ARHGAP10: variants seen among roughly 807,000 people sequenced by gnomAD.
ARHGAP10 encodes the protein rho GTPase-activating protein 10.
ARHGAP10 carries 87 observed loss-of-function variants against 108.6 expected under a neutral mutation model. The observed-to-expected ratio is 0.80, with a 90% CI of 0.67 to 0.96. The LOEUF is 0.96. Ranked by LOEUF, ARHGAP10 falls within the 40% of genes least tolerant of loss-of-function variation. The pLI is 0.00. For missense variants in ARHGAP10, 939 were observed against 954.5 expected (o/e 0.98, Z 0.21); for synonymous variants, 347 against 341.1 (o/e 1.02, Z -0.19).
At chr4:147,766,815 TATATATATATATATATATATA>T (rs1729842753) in intron 1 of ARHGAP10, among the ~76,000 whole-genome samples, 2 of 9,380 alleles carry the variant, frequency 2.1e-4, no homozygotes, top group East Asian at 0.031. Context: ...TATATATATA[TATATATATATATATATATATA>T]TATTTATTTA....
intron 4 of ARHGAP10, among the ~76,000 whole-genome samples, chr4:147,854,482 T>C (rs1433460091): frequency 1.3e-5 from 2 of 152,234 alleles, no homozygotes; most frequent in Non-Finnish European, 2.9e-5. Flanking sequence ...CCAGACTCAT[T>C]TCAGTTTTTG....
chr4:147,774,549 A>G (rs531321757), intron 1 of ARHGAP10, among the ~76,000 whole-genome samples: 3 of 152,340 alleles, frequency 2.0e-5, no homozygotes, highest in African/African-American at 2.4e-5. Context: ...TCTTTATTCT[A>G]TAACATATTT....
chr4:147,908,844 C>G (rs768894645), intron 11 of ARHGAP10, among the ~76,000 whole-genome samples: 2 of 152,192 alleles, frequency 1.3e-5, no homozygotes, highest in Non-Finnish European at 2.9e-5. Context: ...CCCCCTTTAT[C>G]TTATTTTTGC....
intron 18 of ARHGAP10, among the ~76,000 whole-genome samples, chr4:147,978,078 T>C (rs1739666676): frequency 6.6e-6 from 1 of 152,218 alleles, no homozygotes; most frequent in African/African-American, 2.4e-5. Flanking sequence ...ATGGGCACTC[T>C]ATTGATTCCA....
intron 1 of ARHGAP10, among the ~76,000 whole-genome samples, chr4:147,736,973 A>G (rs922310661): frequency 6.6e-6 from 1 of 152,062 alleles, no homozygotes; most frequent in Non-Finnish European, 1.5e-5. Flanking sequence ...GCTACCCACT[A>G]TCTTGGGCCT....
intron 1 of ARHGAP10, among the ~76,000 whole-genome samples, chr4:147,750,597 A>G (rs940025228): frequency 1.3e-5 from 2 of 151,598 alleles, no homozygotes; most frequent in African/African-American, 4.9e-5. Context: ...TACATATAAA[A>G]TATCTTTTTT....
At chr4:147,912,548 A>AATATATAT (rs59663731) in intron 12 of ARHGAP10, among the ~76,000 whole-genome samples, 15 of 120,316 alleles carry the variant, frequency 1.2e-4, no homozygotes, top group African/African-American at 2.6e-4. Flanking sequence ...CAAACAAACA[A>AATATATAT]ATATATATAT....
intron 18 of ARHGAP10, among the ~76,000 whole-genome samples, chr4:148,015,430 G>A (rs909403277): frequency 6.6e-6 from 1 of 152,142 alleles, no homozygotes; most frequent in Non-Finnish European, 1.5e-5. Flanking sequence ...TGGCCTAAGG[G>A]ATAACTAGGA....
intron 1 of ARHGAP10, among the ~76,000 whole-genome samples, chr4:147,812,414 T>C (rs1245856507): frequency 1.3e-5 from 2 of 152,098 alleles, no homozygotes; most frequent in Non-Finnish European, 2.9e-5. Flanking sequence ...TGAGGAATAC[T>C]TCACAGACCT....
chr4:147,970,551 T>C (rs1276990678), intron 18 of ARHGAP10, among the ~76,000 whole-genome samples: 1 of 151,928 alleles, frequency 6.6e-6, no homozygotes, highest in East Asian at 1.9e-4. Flanking sequence ...TTTTCCTCAG[T>C]TATTTGTTTT....
intron 1 of ARHGAP10, among the ~76,000 whole-genome samples, chr4:147,749,890 A>G (rs1057042084): frequency 9.2e-5 from 14 of 152,216 alleles, no homozygotes; most frequent in African/African-American, 3.1e-4. Flanking sequence ...TGGCTATGCA[A>G]ATTAACCTGT....
At chr4:148,002,893 GTTTT>G (rs1032723964) in intron 18 of ARHGAP10, among the ~76,000 whole-genome samples, 1 of 151,988 alleles carries the variant, frequency 6.6e-6, no homozygotes, top group Admixed American at 6.6e-5. Context: ...TTTTTGAAGG[GTTTT>G]TTGTGTCTCT....
intron 12 of ARHGAP10, among the ~76,000 whole-genome samples, chr4:147,912,805 C>A (rs929199676): frequency 6.6e-6 from 1 of 151,254 alleles, no homozygotes; most frequent in East Asian, 2.0e-4. Context: ...ATCATTAAAC[C>A]TGGCTAATTT....
chr4:147,739,423 A>C (rs1431306018), intron 1 of ARHGAP10, among the ~76,000 whole-genome samples: 1 of 152,204 alleles, frequency 6.6e-6, no homozygotes, highest in African/African-American at 2.4e-5. Flanking sequence ...GTTCATCTCA[A>C]GGTATTGACA....
intron 1 of ARHGAP10, among the ~76,000 whole-genome samples, chr4:147,735,592 G>A (rs527841006): frequency 6.6e-6 from 1 of 152,304 alleles, no homozygotes; most frequent in Admixed American, 6.5e-5. Context: ...TAGGAATGTG[G>A]ACTTTATCTT....
At chr4:148,024,086 C>A (rs187246313) in intron 19 of ARHGAP10, among the ~76,000 whole-genome samples, 2 of 152,314 alleles carry the variant, frequency 1.3e-5, no homozygotes, top group East Asian at 3.9e-4. Context: ...AACACTGATC[C>A]ATACAAAACA....
At chr4:147,824,547 A>G (rs955684512) in intron 3 of ARHGAP10, among the ~76,000 whole-genome samples, 26 of 152,172 alleles carry the variant, frequency 1.7e-4, no homozygotes, top group African/African-American at 6.0e-4. Flanking sequence ...AAGAGGTTTA[A>G]TTGACTCACA....
intron 18 of ARHGAP10, among the ~76,000 whole-genome samples, chr4:148,000,760 TTTGTGATGGGG>T (rs1211609237): frequency 2.0e-5 from 3 of 152,236 alleles, no homozygotes; most frequent in Non-Finnish European, 2.9e-5. Context: ...CTTCGCCCGC[TTTGTGATGGGG>T]TTGTTTGTTT....
intron 18 of ARHGAP10, among the ~76,000 whole-genome samples, chr4:148,012,966 T>A (rs560057673): frequency 1.1e-4 from 16 of 151,806 alleles, no homozygotes; most frequent in Non-Finnish European, 1.9e-4. Context: ...AGCTGTTTTG[T>A]GTTTGCCAAC....
Sources: gnomAD v4.1 joint callset for allele counts (sites outside exome capture counted in the v4.1 genomes callset) on GRCh38, gnomAD v4.1.1 for gene constraint, MANE v1.5 for transcripts, NCBI Gene and HGNC (gene_info 2026-07-23, HGNC 2026-07-21) for gene names.